Variants in CTNNA2 observed in about 807,000 individuals in gnomAD.
The protein encoded by CTNNA2 is catenin alpha 2, also known as catenin alpha-2.
A neutral mutation model predicts 101.0 loss-of-function variants in CTNNA2; 42 were observed. That is an observed-to-expected ratio of 0.42 (90% CI 0.32 to 0.54). The LOEUF is 0.54. CTNNA2 is among the 20% of genes least tolerant of loss of function. The probability of loss-of-function intolerance (pLI) is 0.14; values close to 1 mark genes in which losing one functional copy is unlikely to be tolerated. For synonymous variants in CTNNA2, 450 were observed against 456.4 expected, an observed-to-expected ratio of 0.99 and a Z score of 0.18; for missense variants, 871 against 1,223.1, an observed-to-expected ratio of 0.71 and a Z score of 4.29.
At chr2:80,464,746 C>T (rs1194946379) in intron 9 of CTNNA2, among the ~76,000 whole-genome samples, 1 of 152,130 alleles carries the variant, frequency 6.6e-6, no homozygotes, top group African/African-American at 2.4e-5. Context: ...ATTCCAGACA[C>T]TGTTTTAAGG....
intron 1 of CTNNA2, among the ~76,000 whole-genome samples, chr2:79,517,900 A>C (rs1204097731): frequency 6.6e-6 from 1 of 152,162 alleles, no homozygotes; most frequent in Non-Finnish European, 1.5e-5. Flanking sequence ...GTATTAGGAA[A>C]ACTTGCATTA....
chr2:79,646,403 G>A (rs562368149), intron 1 of CTNNA2, among the ~76,000 whole-genome samples: 1 of 152,126 alleles, frequency 6.6e-6, no homozygotes, highest in Admixed American at 6.5e-5. Context: ...ATAGCTGATA[G>A]CATCCTGGCC....
At chr2:80,282,943 A>C (rs1226421763) in intron 7 of CTNNA2, among the ~76,000 whole-genome samples, 1 of 152,112 alleles carries the variant, frequency 6.6e-6, no homozygotes, top group Non-Finnish European at 1.5e-5. Flanking sequence ...AATCAGGCAA[A>C]ATATGGGCTA....
chr2:80,519,631 ACCT>A (rs947009055), intron 9 of CTNNA2, among the ~76,000 whole-genome samples: 80 of 152,174 alleles, frequency 5.3e-4, no homozygotes, highest in African/African-American at 1.8e-3. Flanking sequence ...ATCTATTCTG[ACCT>A]CCTCTGAATT....
At chr2:80,270,283 T>A (rs1558957069) in intron 7 of CTNNA2, among the ~76,000 whole-genome samples, 1 of 152,182 alleles carries the variant, frequency 6.6e-6, no homozygotes, top group Non-Finnish European at 1.5e-5. Context: ...TCTATTTTTT[T>A]AGGGATTTTT....
intron 7 of CTNNA2, among the ~76,000 whole-genome samples, chr2:80,250,204 A>T (rs6720434): frequency 0.12 from 11,532 of 96,294 alleles, 588 homozygotes; most frequent in South Asian, 0.35. Context: ...AGAGAGAGAG[A>T]GTGTGTGTGT....
intron 2 of CTNNA2, among the ~76,000 whole-genome samples, chr2:79,278,590 C>T (rs543159039): frequency 6.6e-6 from 1 of 152,150 alleles, no homozygotes; most frequent in South Asian, 2.1e-4. Flanking sequence ...GTATAAGTCC[C>T]CGTTGTACTT....
chr2:79,340,817 G>C (rs1355902232), intron 3 of CTNNA2, among the ~76,000 whole-genome samples: 1 of 113,280 alleles, frequency 8.8e-6, no homozygotes, highest in Non-Finnish European at 1.6e-5. Flanking sequence ...CTGGGCTACA[G>C]AGCGAGACTC....
intron 1 of CTNNA2, among the ~76,000 whole-genome samples, chr2:79,633,095 G>T (rs557505575): frequency 6.6e-6 from 1 of 152,190 alleles, no homozygotes; most frequent in Non-Finnish European, 1.5e-5. Flanking sequence ...ACAATCAGTC[G>T]TATTATGTTA....
intron 7 of CTNNA2, among the ~76,000 whole-genome samples, chr2:80,023,947 CGTG>C (rs1169978206): frequency 1.1e-4 from 16 of 152,046 alleles, no homozygotes; most frequent in African/African-American, 3.9e-4. Flanking sequence ...ATTAGCCGGG[CGTG>C]GTGGTGGGCG....
At chr2:79,762,733 C>T (rs1476989121) in intron 3 of CTNNA2, among the ~76,000 whole-genome samples, 1 of 152,044 alleles carries the variant, frequency 6.6e-6, no homozygotes, top group Non-Finnish European at 1.5e-5. Flanking sequence ...TCTTTGTATT[C>T]TGCTCTTTCA....
chr2:79,285,906 A>C (rs927570594), intron 2 of CTNNA2, among the ~76,000 whole-genome samples: 1 of 146,542 alleles, frequency 6.8e-6, no homozygotes, highest in South Asian at 2.1e-4. Context: ...TTTGTAGGTC[A>C]CTCAGGACTT....
At chr2:80,387,245 T>A (rs867063471) in intron 7 of CTNNA2, among the ~76,000 whole-genome samples, 3 of 151,964 alleles carry the variant, frequency 2.0e-5, no homozygotes, top group African/African-American at 7.2e-5. Context: ...GCCGAGATTG[T>A]GCCACTGCAC....
intron 1 of CTNNA2, among the ~76,000 whole-genome samples, chr2:79,555,734 CAA>C (rs1477969376): frequency 6.6e-6 from 1 of 151,970 alleles, no homozygotes; most frequent in African/African-American, 2.4e-5. Context: ...AATAATTACT[CAA>C]AAGATACAAG....
chr2:79,486,885 T>C (rs1003400589), intron 4 of CTNNA2, among the ~76,000 whole-genome samples: 1 of 152,192 alleles, frequency 6.6e-6, no homozygotes, highest in Non-Finnish European at 1.5e-5. Flanking sequence ...ATAATTTAAA[T>C]AGGCGAAATA....
At chr2:79,669,435 C>T (rs1682667611) in intron 2 of CTNNA2, among the ~76,000 whole-genome samples, 1 of 152,144 alleles carries the variant, frequency 6.6e-6, no homozygotes, top group Non-Finnish European at 1.5e-5. Context: ...GCCAAAACAC[C>T]TTTGCCCGAG....
chr2:79,262,112 C>T (rs1674930172), intron 2 of CTNNA2, among the ~76,000 whole-genome samples: 1 of 152,170 alleles, frequency 6.6e-6, no homozygotes, highest in East Asian at 1.9e-4. Flanking sequence ...AATCACACTG[C>T]CATTTAGCAT....
At chr2:79,655,741 A>G (rs1164260666) in intron 2 of CTNNA2, among the ~76,000 whole-genome samples, 1 of 151,976 alleles carries the variant, frequency 6.6e-6, no homozygotes, top group Admixed American at 6.6e-5. Flanking sequence ...AGGCAGGAGA[A>G]TCACTTGAAC....
chr2:80,200,496 C>T (rs1707129093), intron 7 of CTNNA2, among the ~76,000 whole-genome samples: 1 of 151,338 alleles, frequency 6.6e-6, no homozygotes, highest in South Asian at 2.1e-4. Context: ...TTATATAAAC[C>T]TATGCATGGA....
Sources: gnomAD v4.1 joint callset for allele counts (sites outside exome capture counted in the v4.1 genomes callset) on GRCh38, gnomAD v4.1.1 for gene constraint, MANE v1.5 for transcripts, NCBI Gene and HGNC (gene_info 2026-07-23, HGNC 2026-07-21) for gene names.